The following PTPRK variants were observed in gnomAD, a reference collection of about 807,000 sequenced individuals.
PTPRK encodes protein tyrosine phosphatase receptor type K, also known as receptor-type tyrosine-protein phosphatase kappa.
PTPRK carries 75 observed loss-of-function variants against 178.0 expected under a neutral mutation model. The observed-to-expected ratio is 0.42, with a 90% CI of 0.35 to 0.51. The LOEUF (loss-of-function observed/expected upper bound fraction) is 0.51. PTPRK is among the 20% of genes least tolerant of loss of function. PTPRK has a pLI of 0.02. For synonymous variants in PTPRK, 637 were observed against 620.6 expected, an observed-to-expected ratio of 1.03 and a Z score of -0.39; for missense variants, 1,441 against 1,797.8, an observed-to-expected ratio of 0.80 and a Z score of 3.59.
chr6:128,054,959 T>C (rs954219088), intron 13 of PTPRK, among the ~76,000 whole-genome samples: 4 of 152,202 alleles, frequency 2.6e-5, no homozygotes, highest in African/African-American at 7.2e-5. Flanking sequence ...TAAAAGGCTG[T>C]GGTGGTGACT....
Position 128,272,868 on chromosome 6 carries a change from C to T in PTPRK, c.496-30266G>A, listed in dbSNP as rs928880899. ...GCCATCCCATTACTGAGCATATACC[C>T]GAAGGATTATTAATCATGCTGCTAT... is the stretch of plus-strand genomic sequence containing the variant. On this transcript the variant is annotated intron_variant, in intron 3 of 29. Transcript: ENST00000368226. Among the ~76,000 whole-genome samples the T allele has an allele frequency of 3.3e-5, 5 of 152,202 alleles. No individual in the cohort carries two copies. In the South Asian group the frequency reaches 6.2e-4, roughly 19 times the overall value.
intron 3 of PTPRK, among the ~76,000 whole-genome samples, chr6:128,310,735 T>C (rs548200675): frequency 1.3e-5 from 2 of 152,324 alleles, no homozygotes; most frequent in Non-Finnish European, 2.9e-5. Context: ...TGCCATTTAT[T>C]AACTGGGCTG....
chr6:128,397,259 G>A (rs1170629215), intron 2 of PTPRK, among the ~76,000 whole-genome samples: 3 of 151,966 alleles, frequency 2.0e-5, no homozygotes, highest in African/African-American at 7.2e-5. Flanking sequence ...GAATTTTTTG[G>A]AAAGGATTTT....
chr6:128,414,450 AT>A (rs1235864410), intron 1 of PTPRK, among the ~76,000 whole-genome samples: 1 of 152,220 alleles, frequency 6.6e-6, no homozygotes, highest in Non-Finnish European at 1.5e-5. Context: ...TTTTTTAAAT[AT>A]TTTTTGGTAG....
At chr6:128,059,023 A>G (rs1005001148) in intron 13 of PTPRK, among the ~76,000 whole-genome samples, 2 of 152,102 alleles carry the variant, frequency 1.3e-5, no homozygotes, top group African/African-American at 2.4e-5. Context: ...TTCACTGGTC[A>G]TAATTTTTAT....
chr6:128,296,014 C>T (rs1313230764), intron 3 of PTPRK, among the ~76,000 whole-genome samples: 1 of 152,116 alleles, frequency 6.6e-6, no homozygotes, highest in African/African-American at 2.4e-5. Flanking sequence ...GCAAGTTTCT[C>T]TACTCAAAAG....
intron 1 of PTPRK, among the ~76,000 whole-genome samples, chr6:128,430,782 G>A (rs1240970358): frequency 1.3e-5 from 2 of 152,106 alleles, no homozygotes; most frequent in African/African-American, 4.8e-5. Context: ...GGATTAGGAA[G>A]TCTACTGTGT....
At chr6:128,132,794 T>C (rs754723505) in intron 7 of PTPRK, among the ~76,000 whole-genome samples, 2 of 152,254 alleles carry the variant, frequency 1.3e-5, no homozygotes, top group Non-Finnish European at 2.9e-5. Flanking sequence ...CAAAAACTAA[T>C]GGATATGACA....
intron 7 of PTPRK, among the ~76,000 whole-genome samples, chr6:128,106,052 G>A (rs1450951139): frequency 1.3e-5 from 2 of 152,110 alleles, no homozygotes; most frequent in Non-Finnish European, 2.9e-5. Context: ...GTAACTTAGT[G>A]CAAGTTACTT....
chr6:128,420,094 AC>A (rs796924001), intron 1 of PTPRK, among the ~76,000 whole-genome samples: 7 of 152,278 alleles, frequency 4.6e-5, no homozygotes, highest in African/African-American at 1.7e-4. Flanking sequence ...ACATTTCCAA[AC>A]TTTTTTCGAG....
At chr6:128,130,625 T>C (rs1351928589) in intron 7 of PTPRK, among the ~76,000 whole-genome samples, 1 of 152,228 alleles carries the variant, frequency 6.6e-6, no homozygotes, top group Non-Finnish European at 1.5e-5. Flanking sequence ...AAACTAATCC[T>C]GATCACCGTA....
At chr6:128,389,723 C>T (rs1839289325) in intron 2 of PTPRK, among the ~76,000 whole-genome samples, 1 of 151,672 alleles carries the variant, frequency 6.6e-6, no homozygotes, top group African/African-American at 2.4e-5. Flanking sequence ...AGCACTGACA[C>T]CTATATTCAT....
intron 11 of PTPRK, among the ~76,000 whole-genome samples, chr6:128,076,056 A>G (rs919924100): frequency 5.3e-5 from 8 of 151,924 alleles, no homozygotes; most frequent in African/African-American, 1.9e-4. Context: ...GTAGAATAGC[A>G]TCAAGCATTA....
intron 1 of PTPRK, among the ~76,000 whole-genome samples, chr6:128,455,751 T>G (rs1848308764): frequency 6.6e-6 from 1 of 152,148 alleles, no homozygotes; most frequent in Admixed American, 6.6e-5. Context: ...TACAGTCATT[T>G]TAGAGGAGAG....
At chr6:128,091,331 C>T (rs540939491) in intron 7 of PTPRK, among the ~76,000 whole-genome samples, 16 of 152,236 alleles carry the variant, frequency 1.1e-4, no homozygotes, top group South Asian at 6.2e-4. Context: ...TTTTAAAAAT[C>T]GTTTTATATG....
intron 4 of PTPRK, among the ~76,000 whole-genome samples, chr6:128,241,758 G>A (rs912625775): frequency 3.3e-5 from 5 of 151,228 alleles, no homozygotes; most frequent in African/African-American, 1.2e-4. Context: ...TTAATAAACC[G>A]AGTTTCTTGT....
chr6:128,149,810 A>T (rs1797009921), intron 7 of PTPRK, among the ~76,000 whole-genome samples: 1 of 152,146 alleles, frequency 6.6e-6, no homozygotes, highest in Non-Finnish European at 1.5e-5. Context: ...TTCCTGCCAA[A>T]CTAAATCAGC....
At chr6:128,066,600 C>T (rs543984751) in intron 12 of PTPRK, among the ~76,000 whole-genome samples, 2 of 152,166 alleles carry the variant, frequency 1.3e-5, no homozygotes, top group Admixed American at 1.3e-4. Flanking sequence ...CAGCAATTTC[C>T]TATACGGCTT....
chr6:128,149,449 T>C (rs1318756853), intron 7 of PTPRK, among the ~76,000 whole-genome samples: 1 of 152,174 alleles, frequency 6.6e-6, no homozygotes, highest in Non-Finnish European at 1.5e-5. Context: ...TTTTAACTTT[T>C]GAATAGTTGT....
Sources: gnomAD v4.1 joint callset for allele counts (sites outside exome capture counted in the v4.1 genomes callset) on GRCh38, gnomAD v4.1.1 for gene constraint, MANE v1.5 for transcripts, NCBI Gene and HGNC (gene_info 2026-07-23, HGNC 2026-07-21) for gene names.